Variants in EPB41L3 observed in about 807,000 individuals in gnomAD.
EPB41L3 encodes the protein band 4.1-like protein 3.
A neutral mutation model predicts 127.1 loss-of-function variants in EPB41L3; 57 were observed. The ratio of observed to expected loss-of-function variants is 0.45; its 90% CI spans 0.36 to 0.56. The LOEUF (loss-of-function observed/expected upper bound fraction) is 0.56, where lower values mean the gene tolerates loss of function less well. Among genes scored for constraint, EPB41L3 ranks in the 20% least tolerant of loss-of-function variants. The probability of loss-of-function intolerance (pLI) is 0.00; values close to 1 mark genes in which losing one functional copy is unlikely to be tolerated. For synonymous variants in EPB41L3, 572 were observed against 549.5 expected, an observed-to-expected ratio of 1.04 and a Z score of -0.57; for missense variants, 1,273 against 1,372.2, an observed-to-expected ratio of 0.93 and a Z score of 1.14.
intron 3 of EPB41L3, among the ~76,000 whole-genome samples, chr18:5,566,773 T>TTCC (rs1568583953): frequency 1.6e-5 from 2 of 127,662 alleles, no homozygotes; most frequent in Non-Finnish European, 3.6e-5. Flanking sequence ...TATTCTATTC[T>TTCC]ATTCTATTCT....
chr18:5,536,454 A>G (rs891212751), intron 1 of EPB41L3, among the ~76,000 whole-genome samples: 3 of 151,490 alleles, frequency 2.0e-5, no homozygotes, highest in African/African-American at 7.3e-5. Context: ...TGATGTGGGT[A>G]TAGATTTGCA....
At chr18:5,440,186 A>G (rs1280964489) in intron 5 of EPB41L3, among the ~76,000 whole-genome samples, 3 of 152,162 alleles carry the variant, frequency 2.0e-5, no homozygotes, top group African/African-American at 7.2e-5. Flanking sequence ...AAGCTTCCTT[A>G]TGTTTCTAAT....
intron 1 of EPB41L3, among the ~76,000 whole-genome samples, chr18:5,490,123 G>T (rs1411609413): frequency 2.0e-5 from 3 of 152,116 alleles, no homozygotes; most frequent in African/African-American, 4.8e-5. Context: ...AATAAGATAT[G>T]CCACAATGTT....
chr18:5,517,717 T>A (rs2092807222), intron 1 of EPB41L3, among the ~76,000 whole-genome samples: 1 of 152,090 alleles, frequency 6.6e-6, no homozygotes, highest in African/African-American at 2.4e-5. Context: ...AGATTATAGG[T>A]GTGAGCCACT....
chr18:5,551,526 T>G (rs1422234734), intron 3 of EPB41L3, among the ~76,000 whole-genome samples: 2 of 151,928 alleles, frequency 1.3e-5, no homozygotes, highest in Admixed American at 6.6e-5. Context: ...GGAGTTTGAG[T>G]CCAGCTTGGG....
intron 1 of EPB41L3, among the ~76,000 whole-genome samples, chr18:5,628,209 C>T (rs1163621919): frequency 6.6e-6 from 1 of 152,264 alleles, no homozygotes. Flanking sequence ...CACATAGACC[C>T]TGCTCTACCG....
chr18:5,421,131 C>G (rs987575812), intron 11 of EPB41L3, among the ~76,000 whole-genome samples: 6 of 152,178 alleles, frequency 3.9e-5, no homozygotes, highest in African/African-American at 1.4e-4. Flanking sequence ...ACAACACATA[C>G]TAACATCACT....
intron 1 of EPB41L3, among the ~76,000 whole-genome samples, chr18:5,620,938 C>G (rs1469413969): frequency 6.6e-6 from 1 of 152,080 alleles, no homozygotes; most frequent in Non-Finnish European, 1.5e-5. Flanking sequence ...TCAATGGTTC[C>G]CCATTGCCTA....
intron 1 of EPB41L3, among the ~76,000 whole-genome samples, chr18:5,620,248 C>T (rs191671575): frequency 1.2e-4 from 18 of 152,246 alleles, no homozygotes; most frequent in Middle Eastern, 3.4e-3. Flanking sequence ...AATTAAGTGA[C>T]GATGAACCCA....
At chr18:5,407,377 G>A (rs377029812) in intron 15 of EPB41L3, 5 of 409,592 alleles carry the variant, frequency 1.2e-5, no homozygotes, top group African/African-American at 1.0e-4. Flanking sequence ...GAGCCCACAG[G>A]TATTACACTA....
At chr18:5,628,938 C>G (rs1486993245) in exon 1 of EPB41L3, 1 of 152,460 alleles carries the variant, frequency 6.6e-6, no homozygotes, top group Non-Finnish European at 1.5e-5. Flanking sequence ...CGCCGCGCTT[C>G]CCCGCCAGCC....
intron 1 of EPB41L3, among the ~76,000 whole-genome samples, chr18:5,521,869 T>C (rs2148820627): frequency 6.6e-6 from 1 of 152,290 alleles, no homozygotes; most frequent in South Asian, 2.1e-4. Flanking sequence ...AAATGTAAAA[T>C]GACTAACTCA....
intron 1 of EPB41L3, among the ~76,000 whole-genome samples, chr18:5,505,950 C>A (rs1295450737): frequency 6.6e-6 from 1 of 151,176 alleles, no homozygotes; most frequent in African/African-American, 2.4e-5. Flanking sequence ...ACCCTCCCTA[C>A]CATACCTTCA....
chr18:5,456,706 G>C (rs1426262214), intron 3 of EPB41L3, among the ~76,000 whole-genome samples: 1 of 152,192 alleles, frequency 6.6e-6, no homozygotes, highest in African/African-American at 2.4e-5. Context: ...CACATCAAAG[G>C]TCAGTATTGT....
intron 8 of EPB41L3, among the ~76,000 whole-genome samples, chr18:5,428,892 A>C (rs1307138379): frequency 6.6e-6 from 1 of 152,256 alleles, no homozygotes; most frequent in Non-Finnish European, 1.5e-5. Context: ...AAATAGGTAC[A>C]GAGTTCCAGC....
At chr18:5,535,327 C>G (rs2093539183) in intron 1 of EPB41L3, among the ~76,000 whole-genome samples, 1 of 152,052 alleles carries the variant, frequency 6.6e-6, no homozygotes, top group Non-Finnish European at 1.5e-5. Context: ...CAATATAACT[C>G]CCCCCAATGA....
At chr18:5,531,000 T>C (rs1014213789) in intron 1 of EPB41L3, among the ~76,000 whole-genome samples, 4 of 152,200 alleles carry the variant, frequency 2.6e-5, no homozygotes, top group Non-Finnish European at 2.9e-5. Context: ...GAGCAGAGCA[T>C]TAAGGAAATC....
chr18:5,549,851 G>A (rs1351530382), intron 3 of EPB41L3, among the ~76,000 whole-genome samples: 1 of 152,142 alleles, frequency 6.6e-6, no homozygotes, highest in Non-Finnish European at 1.5e-5. Context: ...AACCGAAAAC[G>A]GGTGGAAAAA....
At chr18:5,535,317 C>A (rs2093538814) in intron 1 of EPB41L3, among the ~76,000 whole-genome samples, 1 of 152,120 alleles carries the variant, frequency 6.6e-6, no homozygotes, top group Non-Finnish European at 1.5e-5. Flanking sequence ...CCCTGTTCTA[C>A]AATATAACTC....
Sources: allele counts gnomAD v4.1 joint callset (sites outside exome capture counted in the v4.1 genomes callset), GRCh38; gene constraint gnomAD v4.1.1; transcripts MANE v1.5; gene names NCBI Gene and HGNC (gene_info 2026-07-23, HGNC 2026-07-21).